SNRPN: variants seen among roughly 807,000 people sequenced by gnomAD.
SNRPN encodes the protein small nuclear ribonucleoprotein polypeptide N.
Under a neutral mutation model 25.2 loss-of-function variants are expected in SNRPN, and 7 were observed. That is an observed-to-expected ratio of 0.28 (90% CI 0.16 to 0.52). The LOEUF is 0.52. Among genes scored for constraint, SNRPN ranks in the 20% least tolerant of loss-of-function variants. The pLI, the probability that SNRPN is intolerant of heterozygous loss-of-function variation, is 0.96. For synonymous variants in SNRPN, 124 were observed against 110.6 expected (o/e 1.12, Z -0.76); for missense variants, 196 against 322.5 (o/e 0.61, Z 3.00).
intron 2 of SNRPN, among the ~76,000 whole-genome samples, chr15:24,919,610 A>T (rs2059921387): frequency 6.6e-6 from 1 of 151,988 alleles, no homozygotes; most frequent in South Asian, 2.1e-4. Context: ...CCAATGAGAA[A>T]CCTCAAAGGT....
At chr15:24,842,102 G>C (rs536560092) in intron 2 of SNRPN, among the ~76,000 whole-genome samples, 3 of 152,204 alleles carry the variant, frequency 2.0e-5, no homozygotes, top group Admixed American at 2.0e-4. Flanking sequence ...TGATGTCTCT[G>C]CCTTGGGCTG....
chr15:24,894,363 T>C (rs10873597), intron 2 of SNRPN, among the ~76,000 whole-genome samples: 131,379 of 152,116 alleles, frequency 0.86, 57,151 homozygotes, highest in East Asian at 0.99. Flanking sequence ...GGACTACAGG[T>C]GCCCGCCACC....
At chr15:24,864,045 G>A (rs2054281555) in intron 1 of SNRPN, among the ~76,000 whole-genome samples, 1 of 140,428 alleles carries the variant, frequency 7.1e-6, no homozygotes, top group South Asian at 2.2e-4. Flanking sequence ...TTTTTTTTTG[G>A]AGAGGGAGTC....
chr15:24,857,601 C>T (rs948227739), intron 1 of SNRPN, among the ~76,000 whole-genome samples: 47 of 148,682 alleles, frequency 3.2e-4, no homozygotes, highest in African/African-American at 1.1e-3. Context: ...TTTTTTTACT[C>T]TGTCAATAAT....
At chr15:24,901,162 G>A (rs1202310780) in intron 2 of SNRPN, among the ~76,000 whole-genome samples, 1 of 152,142 alleles carries the variant, frequency 6.6e-6, no homozygotes, top group African/African-American at 2.4e-5. Flanking sequence ...TCCTTGGTTA[G>A]ATGTATTCCT....
At chr15:24,974,229 A>G (rs1032191750) in intron 3 of SNRPN, 82 bp from the exon 4 acceptor site, 11 of 572,608 alleles carry the variant, frequency 1.9e-5, no homozygotes, top group Middle Eastern at 2.7e-4. Flanking sequence ...CGTGTCTGTC[A>G]TAGTGATTTT....
intron 1 of SNRPN, among the ~76,000 whole-genome samples, chr15:24,857,372 T>C (rs765208963): frequency 2.0e-5 from 3 of 152,206 alleles, no homozygotes; most frequent in Non-Finnish European, 4.4e-5. Context: ...GATATAGATA[T>C]ATATTTTTTT....
At chr15:24,868,370 A>T (rs72693665) in intron 1 of SNRPN, among the ~76,000 whole-genome samples, 7,675 of 152,276 alleles carry the variant, frequency 0.05, 207 homozygotes, top group Non-Finnish European at 0.06. Flanking sequence ...CAGAGGCTGC[A>T]TTCAGCTCCT....
chr15:24,836,928 C>T lies in SNRPN; in HGVS notation c.-579+7023C>T, dbSNP rs573573546. The stretch of plus-strand genomic sequence containing the variant: ...CTCCAAGTTTGATATTCCTTCCCTT[C>T]GGGCATAGGGCAGAATACCTGTCAC... On this transcript the variant is annotated intron_variant, in intron 2 of 12. Transcript: ENST00000400100. Among the ~76,000 whole-genome samples the T allele has an allele frequency of 9.9e-5, 15 of 152,144 alleles. No individual in the cohort carries two copies. In the South Asian group the frequency reaches 2.7e-3, roughly 27 times the overall value.
chr15:24,945,662 G>T (rs145684229), intron 3 of SNRPN, among the ~76,000 whole-genome samples: 10 of 152,298 alleles, frequency 6.6e-5, no homozygotes, highest in African/African-American at 1.9e-4. Context: ...AAGGCCATGG[G>T]TGAAGAGCTT....
At position 24,872,700 on chromosome 15, in the gene SNRPN, C is replaced by T. The variant is rs1011836125; in HGVS notation, c.-578-13816C>T. Among the ~76,000 whole-genome samples the T allele has an allele frequency of 1.3e-4, 14 of 104,898 alleles. 3 individuals carry two copies. Among genetic ancestry groups the T allele is most frequent in the Non-Finnish European group, 2.2e-4 (11 of 49,886 alleles). The allele number at this position is 104,898 out of a possible 152,430, so 68.8% of individuals were successfully genotyped here. On this transcript the variant is annotated intron_variant, in intron 1 of 11. Transcript: ENST00000400097. ...AGCAGAGGTTGTGGTGAGCTGAGAT[C>T]CCACCATTACACTCCAGCCTGGGCA...
At chr15:24,932,256 T>C (rs1226436101) in intron 3 of SNRPN, among the ~76,000 whole-genome samples, 2 of 152,160 alleles carry the variant, frequency 1.3e-5, no homozygotes, top group Admixed American at 6.6e-5. Flanking sequence ...TTTTTTGAGA[T>C]GGAGTTTTGC....
intron 3 of SNRPN, among the ~76,000 whole-genome samples, chr15:24,949,010 CTTTTTTTTTTTTTTTTT>C (rs869100437): frequency 1.1e-4 from 5 of 46,410 alleles, no homozygotes; most frequent in South Asian, 1.4e-3. Flanking sequence ...TTTGCCTATT[CTTTTTTTTTTTTTTTTT>C]TTTTTTTTTT....
chr15:24,975,530 T>C (rs943304308), intron 5 of SNRPN, 21 bp downstream of exon 5: 1 of 1,608,110 alleles, frequency 6.2e-7, no homozygotes, highest in Admixed American at 1.7e-5. Context: ...TTTGGGCAAA[T>C]GGGGGTTGGA....
intron 2 of SNRPN, among the ~76,000 whole-genome samples, chr15:24,913,616 A>G (rs2059349892): frequency 6.6e-6 from 1 of 152,080 alleles, no homozygotes; most frequent in South Asian, 2.1e-4. Context: ...ACTGCACTTC[A>G]GCCTGGGTGA....
chr15:24,926,419 T>C (rs539186870), intron 3 of SNRPN, among the ~76,000 whole-genome samples: 2 of 152,308 alleles, frequency 1.3e-5, no homozygotes, highest in Admixed American at 6.5e-5. Flanking sequence ...ATTATTGTCC[T>C]GACATGATTA....
At chr15:24,856,300 C>T (rs939993666), upstream of SNRPN, among the ~76,000 whole-genome samples, 2 of 152,140 alleles carry the variant, frequency 1.3e-5, no homozygotes, top group Non-Finnish European at 2.9e-5. Context: ...TCTTGTGAAT[C>T]TTAGACAACC....
intron 2 of SNRPN, among the ~76,000 whole-genome samples, chr15:24,918,772 ATAAC>A (rs1285809671): frequency 2.4e-5 from 1 of 41,854 alleles, no homozygotes; most frequent in Non-Finnish European, 4.5e-5. Context: ...GCATATATAT[ATAAC>A]ATAATATATA....
intron 2 of SNRPN, among the ~76,000 whole-genome samples, chr15:24,907,737 C>G (rs184380134): frequency 3.9e-5 from 6 of 152,022 alleles, no homozygotes; most frequent in African/African-American, 1.2e-4. Flanking sequence ...TAAGCCACCA[C>G]GCCTGGCCAA....
Sources: allele counts gnomAD v4.1 joint callset (sites outside exome capture counted in the v4.1 genomes callset), GRCh38; gene constraint gnomAD v4.1.1; transcripts MANE v1.5; gene names NCBI Gene and HGNC (gene_info 2026-07-23, HGNC 2026-07-21).